HPSE2: variants seen among roughly 807,000 people sequenced by gnomAD.
HPSE2 encodes heparanase 2 (inactive).
HPSE2 carries 38 observed loss-of-function variants against 60.5 expected under a neutral mutation model. The observed-to-expected ratio is 0.63, with a 90% CI of 0.48 to 0.82. The LOEUF (loss-of-function observed/expected upper bound fraction) is 0.82. Among genes scored for constraint, HPSE2 ranks in the 40% least tolerant of loss-of-function variants. HPSE2 has a pLI of 0.00. For missense variants in HPSE2, 713 were observed against 740.4 expected (o/e 0.96, Z 0.43); for synonymous variants, 295 against 293.2 (o/e 1.01, Z -0.06).
intron 3 of HPSE2, among the ~76,000 whole-genome samples, chr10:99,014,495 G>T (rs1957090565): frequency 1.3e-5 from 2 of 152,104 alleles, no homozygotes; most frequent in African/African-American, 4.8e-5. Context: ...TGGGTTGAAA[G>T]GTATTTCTGT....
At chr10:98,856,834 A>T (rs996069240) in intron 3 of HPSE2, among the ~76,000 whole-genome samples, 1 of 152,214 alleles carries the variant, frequency 6.6e-6, no homozygotes, top group Admixed American at 6.5e-5. Context: ...TAAGTAAAAA[A>T]TCAGAAACAT....
intron 3 of HPSE2, among the ~76,000 whole-genome samples, chr10:99,136,985 G>GA (rs1217734734): frequency 1.3e-5 from 2 of 152,172 alleles, no homozygotes; most frequent in African/African-American, 2.4e-5. Context: ...TGTATATTTA[G>GA]AAAACCCCAT....
chr10:99,001,959 C>T (rs1956787393), intron 3 of HPSE2, among the ~76,000 whole-genome samples: 1 of 152,034 alleles, frequency 6.6e-6, no homozygotes, highest in Non-Finnish European at 1.5e-5. Context: ...AACTCTGCCA[C>T]TGTAGTGCAA....
intron 9 of HPSE2, among the ~76,000 whole-genome samples, chr10:98,571,518 A>G (rs959599011): frequency 2.6e-5 from 4 of 152,184 alleles, no homozygotes; most frequent in African/African-American, 9.7e-5. Flanking sequence ...ATTGGCCAAC[A>G]AAATTACATT....
At chr10:98,726,972 T>G (rs965755680) in intron 4 of HPSE2, among the ~76,000 whole-genome samples, 23 of 152,146 alleles carry the variant, frequency 1.5e-4, no homozygotes, top group African/African-American at 5.6e-4. Context: ...GGTGGAAGGC[T>G]TACTGGCTCA....
At chr10:98,926,422 T>A (rs1309571038) in intron 3 of HPSE2, among the ~76,000 whole-genome samples, 1 of 152,158 alleles carries the variant, frequency 6.6e-6, no homozygotes, top group African/African-American at 2.4e-5. Context: ...CAGCTAGGAT[T>A]ACCCACTCTT....
chr10:98,725,950 C>T lies in HPSE2; in HGVS notation c.785-4122G>A, dbSNP rs568227394. On this transcript the variant is annotated intron_variant, in intron 4 of 11. Transcript: ENST00000370552. The stretch of plus-strand genomic sequence containing the variant: ...ATCACAATGAGATACCATCTCTCAC[C>T]AGTTAGAATGGCAATCATTAAAAAT... 1.8e-3 allele frequency among the ~76,000 whole-genome samples: 276 copies of T among 152,282 alleles called. 1 individual carries two copies. The highest frequency in any genetic ancestry group is 6.4e-3 in the African/African-American group (266 of 41,566).
intron 9 of HPSE2, among the ~76,000 whole-genome samples, chr10:98,550,333 T>A (rs1038008137): frequency 7.2e-5 from 11 of 152,132 alleles, no homozygotes; most frequent in African/African-American, 2.4e-4. Flanking sequence ...TCACCCAGGT[T>A]TGAGTGCAGT....
chr10:98,623,062 T>G (rs1055765680), intron 7 of HPSE2, among the ~76,000 whole-genome samples: 1 of 152,108 alleles, frequency 6.6e-6, no homozygotes, highest in African/African-American at 2.4e-5. Context: ...TTTTTTTTTG[T>G]CTTTGGCTTA....
At chr10:98,588,607 C>T (rs967526292) in intron 9 of HPSE2, among the ~76,000 whole-genome samples, 1 of 151,998 alleles carries the variant, frequency 6.6e-6, no homozygotes, top group Admixed American at 6.6e-5. Flanking sequence ...GGTGACAGTA[C>T]AAGGAAGTCT....
At chr10:98,686,502 AGGG>A (rs1395703023) in intron 6 of HPSE2, among the ~76,000 whole-genome samples, 1 of 152,102 alleles carries the variant, frequency 6.6e-6, no homozygotes, top group African/African-American at 2.4e-5. Context: ...CCTGGATTCA[AGGG>A]ACCCTCCTAC....
intron 9 of HPSE2, among the ~76,000 whole-genome samples, chr10:98,534,487 C>T (rs1024212744): frequency 6.6e-6 from 1 of 152,168 alleles, no homozygotes; most frequent in Non-Finnish European, 1.5e-5. Context: ...TCACTGCAAC[C>T]TCCGCCTCTT....
chr10:98,835,560 ATAAAGGTAT>A (rs1951772264), intron 3 of HPSE2, among the ~76,000 whole-genome samples: 8 of 152,210 alleles, frequency 5.3e-5, no homozygotes, highest in Non-Finnish European at 1.5e-5. Flanking sequence ...AGTGCTGGTT[ATAAAGGTAT>A]TTACCTTATA....
At chr10:99,266,242 T>C in the HPSE2 span, among the ~76,000 whole-genome samples, 1 of 152,252 alleles carries the variant, frequency 6.6e-6, no homozygotes, top group East Asian at 1.9e-4. Context: ...AGGAGGCTGG[T>C]TGCCTGAGGC....
intron 3 of HPSE2, among the ~76,000 whole-genome samples, chr10:98,991,904 G>T (rs1199096018): frequency 1.3e-5 from 2 of 152,092 alleles, no homozygotes; most frequent in Non-Finnish European, 2.9e-5. Context: ...CTTCTCCCAG[G>T]TGGCTCCACT....
At chr10:98,892,015 C>T (rs1030052301) in intron 3 of HPSE2, among the ~76,000 whole-genome samples, 2 of 152,100 alleles carry the variant, frequency 1.3e-5, no homozygotes, top group African/African-American at 4.8e-5. Context: ...AAGTGATCTG[C>T]CCACCTCAGC....
chr10:98,986,595 G>C (rs1454887461), intron 3 of HPSE2, among the ~76,000 whole-genome samples: 1 of 148,128 alleles, frequency 6.8e-6, no homozygotes, highest in Non-Finnish European at 1.5e-5. Flanking sequence ...AGAGAAGCAA[G>C]AGCAAACACA....
At chr10:99,158,754 AAAAAG>A (rs1372358855) in intron 2 of HPSE2, among the ~76,000 whole-genome samples, 7 of 152,194 alleles carry the variant, frequency 4.6e-5, no homozygotes, top group African/African-American at 1.2e-4. Flanking sequence ...AATTAAAAAA[AAAAAG>A]AAAACAACTG....
intron 3 of HPSE2, among the ~76,000 whole-genome samples, chr10:98,899,758 C>CTT (rs61080994): frequency 7.6e-5 from 9 of 118,340 alleles, no homozygotes; most frequent in Non-Finnish European, 1.2e-4. Flanking sequence ...TTGGCAGTGT[C>CTT]TTTTTTTTTT....
Sources: allele counts gnomAD v4.1 joint callset (sites outside exome capture counted in the v4.1 genomes callset), GRCh38; gene constraint gnomAD v4.1.1; transcripts MANE v1.5; gene names NCBI Gene and HGNC (gene_info 2026-07-23, HGNC 2026-07-21).